The following ARHGAP21 variants were observed in gnomAD, a reference collection of about 807,000 sequenced individuals.
The protein encoded by ARHGAP21 is rho GTPase-activating protein 21.
ARHGAP21 carries 38 observed loss-of-function variants against 164.6 expected under a neutral mutation model. That is an observed-to-expected ratio of 0.23 (90% CI 0.18 to 0.30). ARHGAP21 has a LOEUF of 0.30. ARHGAP21 is among the 10% of genes least tolerant of loss of function. The probability of loss-of-function intolerance (pLI) is 1.00; values close to 1 mark genes in which losing one functional copy is unlikely to be tolerated. For synonymous variants in ARHGAP21, 766 were observed against 857.9 expected (o/e 0.89, Z 1.87); for missense variants, 1,822 against 2,370.7 (o/e 0.77, Z 4.81).
intron 14 of ARHGAP21, among the ~76,000 whole-genome samples, chr10:24,600,096 G>A (rs2130887634): frequency 7.6e-6 from 1 of 132,048 alleles, no homozygotes; most frequent in African/African-American, 2.9e-5. Context: ...TCGCGCCACT[G>A]CACTCCAGCC....
chr10:24,605,606 A>T (rs2076989923), intron 11 of ARHGAP21, among the ~76,000 whole-genome samples: 1 of 152,216 alleles, frequency 6.6e-6, no homozygotes, highest in Admixed American at 6.5e-5. Flanking sequence ...GAATATAAAG[A>T]ATAACCAAAT....
chr10:24,672,141 T>C (rs1840766974), intron 2 of ARHGAP21, among the ~76,000 whole-genome samples: 1 of 152,100 alleles, frequency 6.6e-6, no homozygotes, highest in Admixed American at 6.5e-5. Flanking sequence ...TCCAATTCTT[T>C]TCCTTCCATT....
rs545063406 is a variant in ARHGAP21 at position 24,716,254 on chromosome 10, C to A, written c.63+5583G>T. On this transcript the variant is annotated intron_variant, in intron 2 of 25. Coordinates refer to ENST00000396432, the MANE Select transcript of ARHGAP21 (RefSeq NM_020824.4). ...AAACAAACAAAATCAAATGCATAAG[C>A]ATGCCGGGTGGAGACTAAGTGATAG... Among the ~76,000 whole-genome samples the A allele has an allele frequency of 1.4e-4, 21 of 152,284 alleles. No homozygotes were observed. The South Asian group carries it at 4.3e-3, about 32-fold the overall frequency.
At chr10:24,645,475 T>C (rs1837468064) in intron 4 of ARHGAP21, among the ~76,000 whole-genome samples, 1 of 151,630 alleles carries the variant, frequency 6.6e-6, no homozygotes, top group South Asian at 2.1e-4. Context: ...TCCCAGCTAC[T>C]AGGGAGGCTA....
chr10:24,621,481 C>T, intron 8 of ARHGAP21, 112 bp from the exon 9 acceptor site: 2 of 946,584 alleles, frequency 2.1e-6, no homozygotes, highest in Non-Finnish European at 3.1e-6. Context: ...GAGTGACATT[C>T]ACTATAGCAT....
At chr10:24,592,298 A>G (rs1185247232) in intron 21 of ARHGAP21, among the ~76,000 whole-genome samples, 1 of 151,992 alleles carries the variant, frequency 6.6e-6, no homozygotes, top group Non-Finnish European at 1.5e-5. Context: ...CGTGGACTCA[A>G]GCAGTTCTCC....
chr10:24,593,488 C>T (rs771685492), intron 21 of ARHGAP21, among the ~76,000 whole-genome samples: 1 of 151,960 alleles, frequency 6.6e-6, no homozygotes, highest in Non-Finnish European at 1.5e-5. Context: ...TATATGTATA[C>T]ACCGTAATAT....
At position 24,657,715 on chromosome 10, in the gene ARHGAP21, C is replaced by T. The variant is rs932898147; in HGVS notation, c.268+9270G>A. On this transcript the variant is annotated intron_variant, in intron 4 of 25. Coordinates refer to ENST00000396432, the MANE Select transcript of ARHGAP21 (RefSeq NM_020824.4). ...ATTTTGTTCTACACTAAGAAAAATT[C>T]CTCTGCCTTGGGATCCTGTTGATCT... Among the ~76,000 whole-genome samples the T allele has an allele frequency of 5.3e-5, 4 of 75,454 alleles. 1 individual carries two copies. The highest frequency in any genetic ancestry group is 1.3e-4 in the African/African-American group (2 of 15,006). The allele number at this position is 75,454 out of a possible 152,430, so 49.5% of individuals were successfully genotyped here. A position where few individuals can be genotyped will look rare whatever the true frequency, so the allele number is the denominator to read the frequency against.
At position 24,586,071 on chromosome 10, in the gene ARHGAP21, C is replaced by T. The variant is rs2076090345; in HGVS notation, c.4218G>A (p.Arg1406=). The change falls in exon 26 of 26, where the codon AGG becomes AGA. Residue 1406 remains arginine, a synonymous_variant. Coordinates refer to ENST00000396432, the MANE Select transcript of ARHGAP21 (RefSeq NM_020824.4). ...SWGSGKDQYS[R]ELLVSSIFAA... ...CAAAGATGGAGGACACAAGCAGTTC[C>T]CTGCTATACTGATCCTTTCCAGATC... The T allele has an allele frequency of 1.9e-6, 3 of 1,610,924 alleles. No individual in the cohort carries two copies. The highest frequency in any genetic ancestry group is 1.1e-5 in the South Asian group (1 of 90,354).
intron 2 of ARHGAP21, among the ~76,000 whole-genome samples, chr10:24,713,952 T>C (rs1480031020): frequency 6.6e-6 from 1 of 152,080 alleles, no homozygotes; most frequent in African/African-American, 2.4e-5. Context: ...CAAAATTGAG[T>C]TTTTTGCATT....
intron 6 of ARHGAP21, among the ~76,000 whole-genome samples, chr10:24,631,734 T>C (rs935799138): frequency 3.3e-5 from 5 of 152,220 alleles, no homozygotes; most frequent in Admixed American, 1.3e-4. Context: ...TGTTTTTGTT[T>C]TGAGACAGGG....
intron 4 of ARHGAP21, among the ~76,000 whole-genome samples, chr10:24,642,029 T>C (rs1218870280): frequency 1.3e-5 from 2 of 149,798 alleles, no homozygotes; most frequent in African/African-American, 2.5e-5. Context: ...ACCGTGGAAA[T>C]GTCCAGCATA....
intron 9 of ARHGAP21, among the ~76,000 whole-genome samples, chr10:24,616,182 A>G (rs919502924): frequency 2.0e-5 from 3 of 152,252 alleles, no homozygotes; most frequent in Non-Finnish European, 4.4e-5. Context: ...AAAAGCCAAT[A>G]TATGAAAAAG....
At chr10:24,696,187 G>T (rs1843156910) in intron 2 of ARHGAP21, among the ~76,000 whole-genome samples, 1 of 152,198 alleles carries the variant, frequency 6.6e-6, no homozygotes, top group African/African-American at 2.4e-5. Flanking sequence ...GGCCCTATGG[G>T]CGCCCTAGCT....
chr10:24,654,497 C>G (rs1456369976), intron 4 of ARHGAP21, among the ~76,000 whole-genome samples: 1 of 152,156 alleles, frequency 6.6e-6, no homozygotes, highest in Non-Finnish European at 1.5e-5. Flanking sequence ...ACAGCCAAAT[C>G]ATGAGTGAAC....
intron 25 of ARHGAP21, 112 bp from the exon 26 acceptor site, chr10:24,586,218 G>A (rs777019886): frequency 1.4e-4 from 189 of 1,332,892 alleles, no homozygotes; most frequent in Non-Finnish European, 1.8e-4. Context: ...CTAAAGCTCT[G>A]GAAGCATTAA....
At position 24,595,130 on chromosome 10, in the gene ARHGAP21, GT is replaced by G; in HGVS notation, c.3772del (p.Thr1258HisfsTer2). 1 of 1,611,498 alleles carries G rather than the reference GT, an allele frequency of 6.2e-7. No homozygotes were observed. The highest frequency in any genetic ancestry group is 8.5e-7 in the Non-Finnish European group (1 of 1,178,772). Reference protein sequence around the residue: ...RKEDPLDRLKTLKRLIHDLPE... With the variant: ...RKEDPLDRLKXLKRLIHDLPE... The stretch of plus-strand genomic sequence containing the variant: ...AATAATACCTACTAGTCTTTTTAAT[GT>G]TTTCAGACGATCTAGAGGATCTTCT... On this transcript the variant is annotated frameshift_variant, in exon 20 of 26. Transcript: ENST00000396432. LOFTEE classifies it high-confidence loss of function.
At chr10:24,589,830 T>G (rs2076259486) in intron 24 of ARHGAP21, 1 of 156,040 alleles carries the variant, frequency 6.4e-6, no homozygotes. Flanking sequence ...TAATCTTGCT[T>G]CCAGGTCACT....
chr10:24,628,966 A>T (rs1388072346), intron 7 of ARHGAP21: 1 of 12,646 alleles, frequency 7.9e-5, no homozygotes, highest in African/African-American at 5.5e-4. Flanking sequence ...ATATATATAT[A>T]TATATATATA....
Sources: gnomAD v4.1 joint callset for allele counts (sites outside exome capture counted in the v4.1 genomes callset) on GRCh38, gnomAD v4.1.1 for gene constraint, MANE v1.5 for transcripts, NCBI Gene and HGNC (gene_info 2026-07-23, HGNC 2026-07-21) for gene names.